CLVS1: variants seen among roughly 807,000 people sequenced by gnomAD.
CLVS1 encodes clavesin 1, also known as clavesin-1.
A neutral mutation model predicts 33.1 loss-of-function variants in CLVS1; 10 were observed. That is an observed-to-expected ratio of 0.30 (90% CI 0.19 to 0.51). The LOEUF is 0.51. Among genes scored for constraint, CLVS1 ranks in the 20% least tolerant of loss-of-function variants. The probability of loss-of-function intolerance (pLI) is 0.97; values close to 1 mark genes in which losing one functional copy is unlikely to be tolerated. For synonymous variants in CLVS1, 163 were observed against 166.1 expected (o/e 0.98, Z 0.14); for missense variants, 343 against 433.4 (o/e 0.79, Z 1.85).
At chr8:61,487,588 T>C (rs569121841) in intron 5 of CLVS1, among the ~76,000 whole-genome samples, 2 of 152,326 alleles carry the variant, frequency 1.3e-5, no homozygotes, top group South Asian at 4.1e-4. Flanking sequence ...TGGATGTATG[T>C]TCTCATTCGT....
At chr8:61,196,371 A>G (rs948611822) in intron 2 of CLVS1, among the ~76,000 whole-genome samples, 1 of 152,232 alleles carries the variant, frequency 6.6e-6, no homozygotes, top group African/African-American at 2.4e-5. Context: ...TACCTAACTT[A>G]CAATAAAATG....
chr8:60,969,546 C>T, the CLVS1 span, among the ~76,000 whole-genome samples: 2 of 152,252 alleles, frequency 1.3e-5, no homozygotes, highest in South Asian at 2.1e-4. Flanking sequence ...ACGTGTTTGA[C>T]GTCCTATCCC....
At chr8:61,341,403 A>G (rs1416534844) in intron 2 of CLVS1, among the ~76,000 whole-genome samples, 2 of 152,292 alleles carry the variant, frequency 1.3e-5, no homozygotes, top group East Asian at 3.9e-4. Flanking sequence ...CATTTTCCAC[A>G]CGTACAATGT....
chr8:61,440,804 T>C (rs1816511547), intron 3 of CLVS1, among the ~76,000 whole-genome samples: 2 of 152,224 alleles, frequency 1.3e-5, no homozygotes, highest in Non-Finnish European at 2.9e-5. Context: ...AACACTGGGT[T>C]GGTACAGCTT....
chr8:61,195,063 G>A (rs1354352098), intron 2 of CLVS1, among the ~76,000 whole-genome samples: 1 of 151,862 alleles, frequency 6.6e-6, no homozygotes, highest in African/African-American at 2.4e-5. Flanking sequence ...TACAGCTAAA[G>A]CTAGATACAA....
intron 5 of CLVS1, among the ~76,000 whole-genome samples, chr8:61,473,391 C>A (rs533857615): frequency 1.6e-3 from 234 of 141,944 alleles, no homozygotes; most frequent in African/African-American, 6.0e-3. Flanking sequence ...GAGCAGAAAG[C>A]GAGGGGGAAA....
In CLVS1 at chr8:61,500,761, A is replaced by AGTT. The variant is rs1176162140; in HGVS notation, c.*1221_*1223dup. 2.0e-5 allele frequency: 3 copies of AGTT among 152,216 alleles called. No individual in the cohort carries two copies. The highest frequency in any genetic ancestry group is 2.9e-5 in the Non-Finnish European group (2 of 68,038). The allele number at this position is 152,216 out of a possible 1,614,324, so 9.4% of individuals were successfully genotyped here. On this transcript the variant is annotated 3_prime_UTR_variant, in exon 6 of 6. Transcript: ENST00000325897. ...GACATGGGTATTTATTAGTATTACCAGTTGGTGCTCAAAGTCAAACAAAAA... is the reference window on the plus strand; with the variant it reads ...GACATGGGTATTTATTAGTATTACCAGTTGTTGGTGCTCAAAGTCAAACAAAAA...
chr8:61,113,067 T>C (rs1412993544), intron 1 of CLVS1, among the ~76,000 whole-genome samples: 1 of 152,130 alleles, frequency 6.6e-6, no homozygotes, highest in African/African-American at 2.4e-5. Context: ...GAGGCGGCCC[T>C]CACTGTGGTT....
Position 61,499,557 on chromosome 8 carries a change from C to T in CLVS1, c.*15C>T. 1 of 1,603,082 alleles carries T rather than the reference C, an allele frequency of 6.2e-7. No homozygotes were observed. Among genetic ancestry groups the T allele is most frequent in the Non-Finnish European group, 8.5e-7 (1 of 1,170,294 alleles). On this transcript the variant is annotated 3_prime_UTR_variant, in exon 6 of 6. Coordinates refer to ENST00000325897, the MANE Select transcript of CLVS1 (RefSeq NM_173519.3). ...CTCTGGACTGAACCCTGAGTCACCCCAATGCTCCTGCACACTGGCCTTCAG... is the reference window on the plus strand; with the variant it reads ...CTCTGGACTGAACCCTGAGTCACCCTAATGCTCCTGCACACTGGCCTTCAG...
At chr8:61,165,619 A>T (rs895499359) in intron 2 of CLVS1, among the ~76,000 whole-genome samples, 1 of 152,206 alleles carries the variant, frequency 6.6e-6, no homozygotes, top group Non-Finnish European at 1.5e-5. Context: ...AGCCTAGGAA[A>T]TCCAGCTTGT....
chr8:61,345,065 G>A (rs1243165020), intron 2 of CLVS1, among the ~76,000 whole-genome samples: 12 of 152,120 alleles, frequency 7.9e-5, no homozygotes, highest in Non-Finnish European at 1.5e-4. Context: ...CCTCTTTAGT[G>A]GCAATTTTCT....
intron 2 of CLVS1, among the ~76,000 whole-genome samples, chr8:61,340,109 GAA>G (rs1394097137): frequency 6.6e-6 from 1 of 151,990 alleles, no homozygotes; most frequent in African/African-American, 2.4e-5. Flanking sequence ...AGAAAAGAAA[GAA>G]AGAGAGAAAG....
chr8:61,177,752 C>T (rs1193235769), intron 2 of CLVS1, among the ~76,000 whole-genome samples: 1 of 151,436 alleles, frequency 6.6e-6, no homozygotes, highest in Non-Finnish European at 1.5e-5. Flanking sequence ...GAAGAGGGAC[C>T]TGACTATTGA....
chr8:61,085,475 G>C (rs1805100077), intron 1 of CLVS1, among the ~76,000 whole-genome samples: 3 of 151,928 alleles, frequency 2.0e-5, no homozygotes, highest in Non-Finnish European at 4.4e-5. Context: ...ATCAATAACA[G>C]CCTCTCAATC....
chr8:61,355,610 T>A (rs1285343784), intron 2 of CLVS1, among the ~76,000 whole-genome samples: 2 of 152,172 alleles, frequency 1.3e-5, no homozygotes, highest in Non-Finnish European at 2.9e-5. Flanking sequence ...TTCCCTTTCC[T>A]GTGTCCATGT....
intron 2 of CLVS1, among the ~76,000 whole-genome samples, chr8:61,262,149 C>T (rs1809219152): frequency 6.6e-6 from 1 of 152,000 alleles, no homozygotes. Context: ...ATGTAGTGGA[C>T]AGTACAGGCA....
intron 2 of CLVS1, among the ~76,000 whole-genome samples, chr8:61,144,647 G>T (rs368916025): frequency 5.5e-4 from 83 of 152,240 alleles, no homozygotes; most frequent in African/African-American, 2.0e-3. Flanking sequence ...CTTCCACAAT[G>T]GTTGAACTAA....
In CLVS1 at chr8:61,330,522, C is replaced by T. The variant is rs141037500; in HGVS notation, c.455+30240C>T. ...AATGTAAGGGACCAGTGTGTGTGCACTAAAGATTAATTCACCTTCAGCAGT... is the reference window on the plus strand; with the variant it reads ...AATGTAAGGGACCAGTGTGTGTGCATTAAAGATTAATTCACCTTCAGCAGT... On this transcript the variant is annotated intron_variant, in intron 2 of 5. Coordinates refer to ENST00000325897, the MANE Select transcript of CLVS1 (RefSeq NM_173519.3). Among the ~76,000 whole-genome samples the T allele has an allele frequency of 4.2e-3, 638 of 152,320 alleles. 12 individuals carry two copies. The highest frequency in any genetic ancestry group is 0.031 in the Admixed American group (475 of 15,294).
At chr8:61,258,205 T>C (rs1445941169) in intron 2 of CLVS1, among the ~76,000 whole-genome samples, 3 of 152,326 alleles carry the variant, frequency 2.0e-5, no homozygotes, top group African/African-American at 7.2e-5. Context: ...ACAGTGATTT[T>C]GATAATGAAC....
Sources: gnomAD v4.1 joint callset for allele counts (sites outside exome capture counted in the v4.1 genomes callset) on GRCh38, gnomAD v4.1.1 for gene constraint, MANE v1.5 for transcripts, NCBI Gene and HGNC (gene_info 2026-07-23, HGNC 2026-07-21) for gene names.